The following GCM1 variants were observed in gnomAD, a reference collection of about 807,000 sequenced individuals.
The protein encoded by GCM1 is GCM transcription factor 1, also known as chorion-specific transcription factor GCMa.
In GCM1, 2 loss-of-function variants were observed where a neutral mutation model predicts 25.7. The ratio of observed to expected loss-of-function variants is 0.08; its 90% CI spans 0.03 to 0.24. The LOEUF is 0.24. Among genes scored for constraint, GCM1 ranks in the 10% least tolerant of loss-of-function variants. The pLI, the probability that GCM1 is intolerant of heterozygous loss-of-function variation, is 1.00. For missense variants in GCM1, 395 were observed against 538.7 expected (o/e 0.73, Z 2.64); for synonymous variants, 183 against 195.7 (o/e 0.94, Z 0.54).
In GCM1 at chr6:53,128,391, C is replaced by T. The variant is rs879100265; in HGVS notation, c.1126G>A (p.Val376Ile). 24 of 1,613,578 alleles carry T rather than the reference C, an allele frequency of 1.5e-5. No homozygotes were observed. Among genetic ancestry groups the T allele is most frequent in the Middle Eastern group, 1.6e-4 (1 of 6,084 alleles). ...EKVHVDFNSY[V>I]QSPAYHSPQE... Reference sequence around the variant, plus strand: ...GGTGAATGGTATGCAGGAGACTGGACGTAGCTGTTAAAATCCACATGTACT... The same window carrying T: ...GGTGAATGGTATGCAGGAGACTGGATGTAGCTGTTAAAATCCACATGTACT... The change falls in exon 6 of 6, where the codon GTC becomes ATC. Residue 376 changes from valine (V) to isoleucine (I), a missense_variant. Val to Ile is a conservative substitution (Grantham distance 29, BLOSUM62 3). Coordinates refer to ENST00000259803, the MANE Select transcript of GCM1 (RefSeq NM_003643.4).
chr6:53,146,521 GA>G (rs1484938010), intron 1 of GCM1, among the ~76,000 whole-genome samples: 1 of 151,742 alleles, frequency 6.6e-6, no homozygotes, highest in Admixed American at 6.6e-5. Flanking sequence ...CACCCGGCCA[GA>G]AAAAAAATAT....
At chr6:53,134,755 G>T (rs1464231086) in intron 2 of GCM1, among the ~76,000 whole-genome samples, 2 of 152,150 alleles carry the variant, frequency 1.3e-5, no homozygotes, top group Non-Finnish European at 2.9e-5. Context: ...ATGGCTTGAG[G>T]CCAGGGGTTC....
chr6:53,128,720 C>A lies in GCM1; in HGVS notation c.797G>T (p.Arg266Leu), dbSNP rs367761617. The change falls in exon 6 of 6, where the codon CGC (arginine) becomes CTC (leucine). Residue 266 changes from arginine to leucine, a missense_variant. Physicochemically the swap from Arg to Leu is moderately radical, Grantham distance 102. Around this residue, in one of 5 missense-constraint regions of GCM1, gnomAD observed 291 missense variants for 314.6 expected, o/e 0.92. Coordinates refer to ENST00000259803, the MANE Select transcript of GCM1 (RefSeq NM_003643.4). ...TVDPMKLYEK[R>L]KLSSSRTYSS... ...GTAGGTTCTGCTACTGGACAATTTG[C>A]GCTTTTCATAGAGCTTCATGGGGTC... The A allele has an allele frequency of 6.2e-7, 1 of 1,614,054 alleles. No homozygotes were observed. Among genetic ancestry groups the A allele is most frequent in the Non-Finnish European group, 8.5e-7 (1 of 1,179,910 alleles).
intron 2 of GCM1, among the ~76,000 whole-genome samples, chr6:53,137,623 A>G (rs910904023): frequency 6.6e-6 from 1 of 152,094 alleles, no homozygotes; most frequent in Non-Finnish European, 1.5e-5. Flanking sequence ...CCACGTCTCT[A>G]CTAAAAAAAC....
At position 53,128,028 on chromosome 6, in the gene GCM1, CAAAAAAAAAAAAAA is replaced by C. The variant is rs1223691364; in HGVS notation, c.*164_*177del. ...TGGGCAAAAGAGCAAGACTCTGTCT[CAAAAAAAAAAAAAA>C]AAAAAAAAAAAGAAGGAAAAAAGAA... On this transcript the variant is annotated 3_prime_UTR_variant, in exon 6 of 6. Transcript: ENST00000259803. The C allele has an allele frequency of 1.2e-4, 8 of 66,446 alleles. No homozygotes were observed. The highest frequency in any genetic ancestry group is 4.3e-4 in the East Asian group (1 of 2,332). The allele number at this position is 66,446 out of a possible 1,614,324, so 4.1% of individuals were successfully genotyped here.
rs762616288 is a variant in GCM1 at position 53,128,771 on chromosome 6, T to A, written c.746A>T (p.Asp249Val). 6.2e-7 allele frequency: 1 copy of A among 1,613,360 alleles called. No homozygotes were observed. Among genetic ancestry groups the A allele is most frequent in the South Asian group, 1.1e-5 (1 of 91,068 alleles). The change falls in exon 6 of 6, where the codon GAT (aspartate) becomes GTT (valine). Residue 249 changes from aspartate to valine, a missense_variant. Physicochemically the swap from Asp to Val is radical, Grantham distance 152. Transcript: ENST00000259803. Reference protein sequence around the residue: ...SKSYGLGGITDLTDQTSTVDP... With the variant: ...SKSYGLGGITVLTDQTSTVDP... ...CACAGTGGAAGTCTGGTCAGTCAGA[T>A]CTGTGATTCCTCCCAGACCATAACT...
At chr6:53,137,935 A>G (rs1008591184) in intron 2 of GCM1, among the ~76,000 whole-genome samples, 4 of 152,112 alleles carry the variant, frequency 2.6e-5, no homozygotes, top group Admixed American at 2.0e-4. Context: ...TCATCCTTTA[A>G]GCTTTTTTCT....
At chr6:53,147,114 T>C (rs940670170) in intron 1 of GCM1, among the ~76,000 whole-genome samples, 2 of 152,174 alleles carry the variant, frequency 1.3e-5, no homozygotes, top group East Asian at 3.8e-4. Flanking sequence ...ATTTCTTCCC[T>C]CACGAGAAAT....
chr6:53,143,546 T>C (rs2127510711), intron 2 of GCM1, among the ~76,000 whole-genome samples: 1 of 152,302 alleles, frequency 6.6e-6, no homozygotes, highest in East Asian at 1.9e-4. Flanking sequence ...TCTCTCCAAC[T>C]TCTATTTGGG....
intron 2 of GCM1, among the ~76,000 whole-genome samples, chr6:53,134,941 C>G (rs1196375607): frequency 6.6e-6 from 1 of 152,124 alleles, no homozygotes; most frequent in Non-Finnish European, 1.5e-5. Flanking sequence ...GGATGAAAAG[C>G]CCTGGTTCAG....
rs561698464 is a variant in GCM1 at position 53,130,753 on chromosome 6, C to G, written c.570+50G>C. On this transcript the variant is annotated intron_variant, in intron 5 of 5. Transcript: ENST00000259803. ...CCCAGGAAATCTACCGCCCCCAGCA[C>G]AGGCGTGGCAAGCTACTGCATGTAT... is the stretch of plus-strand genomic sequence containing the variant. The G allele has an allele frequency of 5.5e-5, 84 of 1,533,676 alleles. 2 individuals are homozygous for G. The South Asian group carries it at 8.6e-4, about 16-fold the overall frequency.
chr6:53,134,123 T>C lies in GCM1; in HGVS notation c.277A>G (p.Lys93Glu), dbSNP rs1252859473. 6.2e-7 allele frequency: 1 copy of C among 1,614,136 alleles called. No individual in the cohort carries two copies. The highest frequency in any genetic ancestry group is 1.1e-5 in the South Asian group (1 of 91,086). The change falls in exon 3 of 6, where the codon AAG becomes GAG. Residue 93 changes from lysine (K) to glutamate (E), a missense_variant. Around this residue, in one of 5 missense-constraint regions of GCM1, gnomAD observed 21 missense variants for 22.9 expected, o/e 0.92. Coordinates refer to ENST00000259803, the MANE Select transcript of GCM1 (RefSeq NM_003643.4). ...GRDCLAEEGR[K>E]IYLRPAICDK... The stretch of plus-strand genomic sequence containing the variant: ...CAGATGGCAGGTCTCAGGTAGATCT[T>C]GCGCCCCTCCTCTGCGAGACAGTCG...
chr6:53,132,170 G>A (rs1337828778), intron 3 of GCM1, 51 bp from the exon 4 acceptor site: 2 of 1,120,464 alleles, frequency 1.8e-6, no homozygotes, highest in East Asian at 4.7e-5. Flanking sequence ...CATGTCGGTT[G>A]TTGACTCCTG....
At chr6:53,142,000 GAAAAAAAAAAAAAAAAAAAAAAAAAAAAA>G (rs59663630) in intron 2 of GCM1, among the ~76,000 whole-genome samples, 18 of 12,300 alleles carry the variant, frequency 1.5e-3, no homozygotes, top group Non-Finnish European at 3.0e-3. Flanking sequence ...GTGAGACCCT[GAAAAAAAAAAAAAAAAAAAAAAAAAAAAA>G]AAAAAAAAAA....
At chr6:53,136,313 A>G (rs1215739778) in intron 2 of GCM1, among the ~76,000 whole-genome samples, 2 of 152,114 alleles carry the variant, frequency 1.3e-5, no homozygotes, top group African/African-American at 2.4e-5. Context: ...TTACTATCTG[A>G]CTCTTCACAA....
chr6:53,135,961 T>G lies in GCM1; in HGVS notation c.76-1637A>C, dbSNP rs929146032. 3.3e-5 allele frequency among the ~76,000 whole-genome samples: 5 copies of G among 152,252 alleles called. No individual in the cohort carries two copies. In the East Asian group the frequency reaches 9.6e-4, roughly 29 times the overall value. ...AGCCTGTTTTGCTCTTCTCTAAAAC[T>G]GAAACATTGATTAAAACTGCCTCAC... On this transcript the variant is annotated intron_variant, in intron 2 of 5. Coordinates refer to ENST00000259803, the MANE Select transcript of GCM1 (RefSeq NM_003643.4).
chr6:53,135,547 A>T (rs1242984125), intron 2 of GCM1, among the ~76,000 whole-genome samples: 1 of 152,232 alleles, frequency 6.6e-6, no homozygotes, highest in East Asian at 1.9e-4. Context: ...CCTAGGCCCT[A>T]CATTGGTGCA....
intron 5 of GCM1, among the ~76,000 whole-genome samples, chr6:53,129,608 A>G (rs1481884411): frequency 6.6e-6 from 1 of 152,128 alleles, no homozygotes; most frequent in Non-Finnish European, 1.5e-5. Context: ...ATAAGGAACT[A>G]TTTACAAAAT....
chr6:53,144,421 T>TG (rs1325583525), intron 2 of GCM1, among the ~76,000 whole-genome samples: 3 of 121,152 alleles, frequency 2.5e-5, no homozygotes, highest in African/African-American at 8.9e-5. Context: ...CAAACCCATC[T>TG]AAAAAAAAAA....
Sources: allele counts gnomAD v4.1 joint callset (sites outside exome capture counted in the v4.1 genomes callset), GRCh38; gene constraint gnomAD v4.1.1; regional missense constraint gnomAD v4.1.1; transcripts MANE v1.5; gene names NCBI Gene and HGNC (gene_info 2026-07-23, HGNC 2026-07-21).